Variants in PROS1 observed in about 807,000 individuals in gnomAD.
PROS1 encodes vitamin K-dependent protein S.
PROS1 carries 29 observed loss-of-function variants against 75.9 expected under a neutral mutation model. That is an observed-to-expected ratio of 0.38 (90% CI 0.28 to 0.52). PROS1 has a LOEUF of 0.52. Ranked by LOEUF, PROS1 falls within the 20% of genes least tolerant of loss-of-function variation. The probability of loss-of-function intolerance (pLI) is 0.83; values close to 1 mark genes in which losing one functional copy is unlikely to be tolerated. For missense variants in PROS1, 680 were observed against 810.3 expected (o/e 0.84, Z 1.95); for synonymous variants, 245 against 280.6 (o/e 0.87, Z 1.27).
intron 1 of PROS1, among the ~76,000 whole-genome samples, chr3:93,970,896 A>G (rs946607630): frequency 1.8e-4 from 28 of 152,140 alleles, no homozygotes; most frequent in African/African-American, 6.5e-4. Flanking sequence ...GACACTCAGA[A>G]GGCTGATGGG....
At position 93,893,024 on chromosome 3, in the gene PROS1, C is replaced by T. The variant is rs780863931; in HGVS notation, c.1064G>A (p.Arg355His). Residue 355 changes from arginine to histidine, a missense_variant, in exon 10 of 15, where the codon CGT becomes CAT. Coordinates refer to ENST00000394236, the MANE Select transcript of PROS1 (RefSeq NM_000313.4). The stretch of plus-strand genomic sequence containing the variant: ...AAGCTGAACTTCAATCTTTCCACCA[C>T]GAAGTGCAATCAGGAGCCACGCTGA... Reference protein sequence around the residue: ...DHSAWLLIALRGGKIEVQLKN... With the variant: ...DHSAWLLIALHGGKIEVQLKN... The T allele has an allele frequency of 1.1e-5, 18 of 1,613,658 alleles. No homozygotes were observed. Among genetic ancestry groups the T allele is most frequent in the Admixed American group, 3.3e-5 (2 of 59,988 alleles).
rs62909461 is a variant in PROS1 at position 93,927,850 on chromosome 3, C to CATATATATATATATATAT, written c.77-461_77-444dup. On this transcript the variant is annotated intron_variant, in intron 1 of 14. Transcript: ENST00000394236. ...AGACCCCATTTCTACAAAAAACAAA[C>CATATATATATATATATAT]ATATATATATATATATATATATATG... 5.9e-5 allele frequency among the ~76,000 whole-genome samples: 7 copies of CATATATATATATATATAT among 117,808 alleles called. No homozygotes were observed. The East Asian group carries it at 1.3e-3, about 22-fold the overall frequency. 77.3% of individuals were successfully genotyped at this position (117,808 alleles called of 152,430 possible).
At chr3:93,942,935 A>C (rs1432484447) in intron 1 of PROS1, among the ~76,000 whole-genome samples, 1 of 152,154 alleles carries the variant, frequency 6.6e-6, no homozygotes, top group Admixed American at 6.5e-5. Context: ...ATGAGTCAGG[A>C]AACTGAAATA....
chr3:93,914,874 C>A (rs746423224), intron 3 of PROS1, among the ~76,000 whole-genome samples: 1 of 152,156 alleles, frequency 6.6e-6, no homozygotes, highest in Non-Finnish European at 1.5e-5. Flanking sequence ...TATTCTTAAA[C>A]CTTTGCATCC....
intron 1 of PROS1, among the ~76,000 whole-genome samples, chr3:93,945,480 C>G (rs779801290): frequency 6.6e-6 from 1 of 152,150 alleles, no homozygotes; most frequent in Non-Finnish European, 1.5e-5. Context: ...TGGGGTTCAT[C>G]CCTGGAATGG....
At chr3:93,896,451 T>C (rs1708502231) in intron 9 of PROS1, 125 bp downstream of exon 9, 6 of 769,368 alleles carry the variant, frequency 7.8e-6, no homozygotes, top group Admixed American at 1.9e-5. Flanking sequence ...AGTCATCTGA[T>C]TGGTAATATG....
chr3:93,878,497 G>GT (rs1194438790), intron 13 of PROS1, among the ~76,000 whole-genome samples: 1 of 152,192 alleles, frequency 6.6e-6, no homozygotes, highest in Non-Finnish European at 1.5e-5. Flanking sequence ...GCTTCTTGCT[G>GT]TAACTTGTTA....
At chr3:93,907,226 A>G (rs1001881571) in intron 4 of PROS1, among the ~76,000 whole-genome samples, 2 of 152,184 alleles carry the variant, frequency 1.3e-5, no homozygotes, top group African/African-American at 4.8e-5. Flanking sequence ...GAAGACCATA[A>G]AAACCCCAGA....
intron 7 of PROS1, among the ~76,000 whole-genome samples, chr3:93,898,870 T>G (rs1484118437): frequency 1.3e-5 from 2 of 152,036 alleles, no homozygotes; most frequent in Non-Finnish European, 2.9e-5. Context: ...AAAAAAAGAT[T>G]GAGAATCTCA....
At chr3:93,950,607 C>T (rs1337119973) in intron 1 of PROS1, among the ~76,000 whole-genome samples, 1 of 152,232 alleles carries the variant, frequency 6.6e-6, no homozygotes, top group Non-Finnish European at 1.5e-5. Context: ...CCCAACAGAC[C>T]TGCAGCTGAG....
rs577384884 is a variant in PROS1, at chr3:93,926,017, T to C, written c.234+1233A>G. Among the ~76,000 whole-genome samples, 16 of 152,186 alleles carry C rather than the reference T, an allele frequency of 1.1e-4. No homozygotes were observed. The South Asian group carries it at 3.3e-3, about 32-fold the overall frequency. On this transcript the variant is annotated intron_variant, in intron 2 of 14. Coordinates refer to ENST00000394236, the MANE Select transcript of PROS1 (RefSeq NM_000313.4). ...GTCTTCTCCCTCACTGGGCTTTTGC[T>C]GCTTAGAGGCTAAGCTGATAGAATG...
chr3:93,918,367 C>A (rs1292126636), intron 3 of PROS1, among the ~76,000 whole-genome samples: 1 of 152,060 alleles, frequency 6.6e-6, no homozygotes, highest in Non-Finnish European at 1.5e-5. Context: ...CCAGCAGTGG[C>A]AACCCACTGG....
intron 1 of PROS1, among the ~76,000 whole-genome samples, chr3:93,969,833 A>G (rs1189044095): frequency 1.3e-5 from 2 of 152,192 alleles, no homozygotes; most frequent in Admixed American, 1.3e-4. Flanking sequence ...TTATAGGCAA[A>G]GAATACTGTA....
rs1183026392 is a variant in PROS1 at position 93,947,574 on chromosome 3, C to CT, written c.77-20168dup. Among the ~76,000 whole-genome samples the CT allele has an allele frequency of 2.1e-3, 307 of 149,222 alleles. 1 individual carries two copies. Among genetic ancestry groups the CT allele is most frequent in the East Asian group, 4.3e-3 (22 of 5,082 alleles). On this transcript the variant is annotated intron_variant, in intron 1 of 14. Coordinates refer to ENST00000394236, the MANE Select transcript of PROS1 (RefSeq NM_000313.4). Reference sequence around the variant, plus strand: ...TAAAGCAACTAGAAAGAGTTATTTTCTTTTTTTTTTCTGAGACAGTCTCGC... The same window carrying CT: ...TAAAGCAACTAGAAAGAGTTATTTTCTTTTTTTTTTTCTGAGACAGTCTCGC...
intron 3 of PROS1, among the ~76,000 whole-genome samples, chr3:93,913,500 G>A (rs1270914628): frequency 6.6e-6 from 1 of 152,126 alleles, no homozygotes; most frequent in Non-Finnish European, 1.5e-5. Context: ...CCAGCCATGT[G>A]GAACTGTGAG....
intron 4 of PROS1, among the ~76,000 whole-genome samples, chr3:93,910,282 T>C (rs1708741038): frequency 6.6e-6 from 1 of 152,208 alleles, no homozygotes; most frequent in Non-Finnish European, 1.5e-5. Context: ...TACTTTGAGC[T>C]ATTAATCTAC....
At chr3:93,921,128 C>T (rs1373252298) in intron 3 of PROS1, among the ~76,000 whole-genome samples, 3 of 152,186 alleles carry the variant, frequency 2.0e-5, no homozygotes, top group East Asian at 1.9e-4. Context: ...AAGTGATCCT[C>T]GCACTTCAGC....
chr3:93,949,121 C>G (rs1441993355), intron 1 of PROS1, among the ~76,000 whole-genome samples: 3 of 152,172 alleles, frequency 2.0e-5, no homozygotes, highest in Non-Finnish European at 2.9e-5. Flanking sequence ...TCCTAGAATA[C>G]ATCGCTGCTG....
chr3:93,876,404 C>T (rs1161062243), intron 14 of PROS1, among the ~76,000 whole-genome samples: 7 of 151,768 alleles, frequency 4.6e-5, no homozygotes, highest in South Asian at 2.1e-4. Context: ...CTGGTTAACA[C>T]GGTGAAACCC....
Sources: allele counts gnomAD v4.1 joint callset (sites outside exome capture counted in the v4.1 genomes callset), GRCh38; gene constraint gnomAD v4.1.1; transcripts MANE v1.5; gene names NCBI Gene and HGNC (gene_info 2026-07-23, HGNC 2026-07-21).